The following ANKRD31 variants were observed in gnomAD, a reference collection of about 807,000 sequenced individuals.
ANKRD31 encodes ankyrin repeat domain-containing protein 31.
Under a neutral mutation model 186.0 loss-of-function variants are expected in ANKRD31, and 147 were observed. The ratio of observed to expected loss-of-function variants is 0.79; its 90% CI spans 0.69 to 0.91. The LOEUF (loss-of-function observed/expected upper bound fraction) is 0.91, where lower values mean the gene tolerates loss of function less well. Among genes scored for constraint, ANKRD31 ranks in the 40% least tolerant of loss-of-function variants. ANKRD31 has a pLI of 0.00. For missense variants in ANKRD31, 1,986 were observed against 2,148.8 expected, an observed-to-expected ratio of 0.92 and a Z score of 1.50; for synonymous variants, 673 against 736.4, an observed-to-expected ratio of 0.91 and a Z score of 1.39.
chr5:75,123,553 A>G (rs1748962840), intron 17 of ANKRD31, among the ~76,000 whole-genome samples: 1 of 152,146 alleles, frequency 6.6e-6, no homozygotes, highest in African/African-American at 2.4e-5. Flanking sequence ...CTGCAAGGTT[A>G]TAATAATCAA....
At chr5:75,083,498 G>A (rs1745235950) in intron 24 of ANKRD31, among the ~76,000 whole-genome samples, 1 of 152,206 alleles carries the variant, frequency 6.6e-6, no homozygotes, top group Non-Finnish European at 1.5e-5. Context: ...GGAGGCTGAG[G>A]CGGGCAGATC....
In ANKRD31 at chr5:75,118,262, AG is replaced by A; in HGVS notation, c.3911del (p.Pro1304LeufsTer20). Reference protein sequence around the residue: ...AEILLQNGANPNQKDQKQKSA... With the variant: ...AEILLQNGANXNQKDQKQKSA... ...TCTTCTGTTTTTGATCTTTTTGATTAGGGTTTGCTCCATTTTGTAGTAGAAT... is the reference window on the plus strand; with the variant it reads ...TCTTCTGTTTTTGATCTTTTTGATTAGGTTTGCTCCATTTTGTAGTAGAAT... On this transcript the variant is annotated frameshift_variant, in exon 18 of 26. Transcript: ENST00000506364. LOFTEE classifies it high-confidence loss of function. 6.6e-7 allele frequency: 1 copy of A among 1,518,346 alleles called. No homozygotes were observed. The highest frequency in any genetic ancestry group is 2.5e-5 in the East Asian group (1 of 40,522). 94.1% of individuals were successfully genotyped at this position (1,518,346 alleles called of 1,614,324 possible).
intron 25 of ANKRD31, among the ~76,000 whole-genome samples, chr5:75,075,103 AAAT>A (rs1264813650): frequency 6.6e-6 from 1 of 152,254 alleles, no homozygotes; most frequent in African/African-American, 2.4e-5. Flanking sequence ...TCTGAGAAAT[AAAT>A]AATAACCTGT....
At chr5:75,140,094 C>G (rs1046675504) in intron 15 of ANKRD31, among the ~76,000 whole-genome samples, 1 of 151,904 alleles carries the variant, frequency 6.6e-6, no homozygotes, top group South Asian at 2.1e-4. Context: ...ATCACAGCTA[C>G]TCTGGAGACT....
intron 10 of ANKRD31, among the ~76,000 whole-genome samples, chr5:75,181,708 G>A (rs1353481419): frequency 7.4e-6 from 1 of 135,874 alleles, no homozygotes; most frequent in East Asian, 2.4e-4. Context: ...CACAGGAAGG[G>A]GAACATCACA....
chr5:75,138,855 C>A lies in ANKRD31; in HGVS notation c.3724G>T (p.Asp1242Tyr). ...IESGADVNLN[D>Y]NAGWTPLHEA... is the part of the protein sequence containing the mutation. ...TTAAAAGGATCCAAACCTGCATTAT[C>A]ATTTAGATTCACATCTGCTCCAGAT... Residue 1242 changes from aspartate (D) to tyrosine (Y), a missense_variant, in exon 16 of 26, where the codon GAT becomes TAT. Physicochemically the swap from Asp to Tyr is radical, Grantham distance 160. Transcript: ENST00000506364. 6.5e-7 allele frequency: 1 copy of A among 1,535,680 alleles called. No homozygotes were observed. The highest frequency in any genetic ancestry group is 8.7e-7 in the Non-Finnish European group (1 of 1,146,162).
chr5:75,160,587 T>C (rs1752507072), intron 11 of ANKRD31, among the ~76,000 whole-genome samples: 1 of 152,126 alleles, frequency 6.6e-6, no homozygotes, highest in Non-Finnish European at 1.5e-5. Context: ...GAGACATACA[T>C]TGGATTCAAA....
chr5:75,137,741 T>TA (rs1265135819), intron 17 of ANKRD31, 115 bp downstream of exon 17: 12 of 1,022,024 alleles, frequency 1.2e-5, no homozygotes, highest in Admixed American at 3.7e-5. Context: ...AAGCAGGTTT[T>TA]AAAAAAATCA....
At chr5:75,201,141 T>C (rs1354853608) in intron 5 of ANKRD31, among the ~76,000 whole-genome samples, 1 of 152,174 alleles carries the variant, frequency 6.6e-6, no homozygotes, top group Non-Finnish European at 1.5e-5. Flanking sequence ...TAAATATTCT[T>C]GCTGAGCTTC....
At chr5:75,232,938 TA>T (rs1255104478) in intron 1 of ANKRD31, among the ~76,000 whole-genome samples, 1 of 152,226 alleles carries the variant, frequency 6.6e-6, no homozygotes, top group Non-Finnish European at 1.5e-5. Context: ...CAGATCTTGT[TA>T]AAATAATTCT....
chr5:75,231,309 A>G (rs10064409), intron 1 of ANKRD31, among the ~76,000 whole-genome samples: 76,899 of 151,418 alleles, frequency 0.51, 22,570 homozygotes, highest in African/African-American at 0.82. Context: ...GAACTCCTGA[A>G]CTTAAATGAT....
chr5:75,178,358 T>G (rs1753991946), intron 10 of ANKRD31, among the ~76,000 whole-genome samples: 1 of 152,254 alleles, frequency 6.6e-6, no homozygotes, highest in Middle Eastern at 3.4e-3. Flanking sequence ...ATCCAGGAAT[T>G]GAACTCAGCT....
chr5:75,161,395 T>C (rs1303175756), intron 11 of ANKRD31, among the ~76,000 whole-genome samples: 1 of 152,166 alleles, frequency 6.6e-6, no homozygotes, highest in Non-Finnish European at 1.5e-5. Context: ...TTAGGGTGTC[T>C]GGTGGAAGAA....
chr5:75,222,617 A>G (rs954595603), intron 2 of ANKRD31, among the ~76,000 whole-genome samples: 1 of 151,624 alleles, frequency 6.6e-6, no homozygotes, highest in Non-Finnish European at 1.5e-5. Flanking sequence ...CCAACCCCCA[A>G]CAGGCCCTGG....
rs1030742288 is a variant in ANKRD31, at chr5:75,120,258, G to T, written c.3877-1961C>A. ...AAAAAGTAAAAAATTAGCTGGGTGT[G>T]GTGGCACACACTTCTAGTCTCAGCT... On this transcript the variant is annotated intron_variant, in intron 17 of 25. Coordinates refer to ENST00000506364, the MANE Select transcript of ANKRD31 (RefSeq NM_001372053.1). 2.0e-5 allele frequency among the ~76,000 whole-genome samples: 3 copies of T among 152,066 alleles called. No homozygotes were observed. The East Asian group carries it at 5.8e-4, about 29-fold the overall frequency.
Position 75,213,216 on chromosome 5 carries a change from C to T in ANKRD31, c.289-2351G>A, listed in dbSNP as rs538317121. On this transcript the variant is annotated intron_variant, in intron 3 of 25. Coordinates refer to ENST00000506364, the MANE Select transcript of ANKRD31 (RefSeq NM_001372053.1). ...CAAGAATTAATTAAACAGGGTATAC[C>T]TACACACTTACAAGATATTTCTGTG... Among the ~76,000 whole-genome samples the T allele has an allele frequency of 1.5e-3, 232 of 152,282 alleles. 1 individual carries two copies. Among genetic ancestry groups the T allele is most frequent in the African/African-American group, 5.3e-3 (222 of 41,540 alleles).
chr5:75,138,569 A>G (rs1750781349), intron 16 of ANKRD31, among the ~76,000 whole-genome samples: 1 of 152,196 alleles, frequency 6.6e-6, no homozygotes, highest in African/African-American at 2.4e-5. Flanking sequence ...GATAAACTTG[A>G]GGCTTCCAAG....
intron 10 of ANKRD31, among the ~76,000 whole-genome samples, chr5:75,171,996 TAA>T (rs1390020467): frequency 6.6e-6 from 1 of 151,888 alleles, no homozygotes; most frequent in East Asian, 1.9e-4. Context: ...TATAAATCTA[TAA>T]AGATAGATTT....
chr5:75,080,648 G>A lies in ANKRD31; in HGVS notation c.5576-9C>T, dbSNP rs541935925. The A allele has an allele frequency of 1.1e-5, 17 of 1,523,012 alleles. No individual in the cohort carries two copies. In the South Asian group the frequency reaches 1.6e-4, roughly 15 times the overall value. 94.3% of individuals were successfully genotyped at this position (1,523,012 alleles called of 1,614,324 possible). A position where few individuals can be genotyped will look rare whatever the true frequency, so the allele number is the denominator to read the frequency against. On this transcript the variant is annotated splice_polypyrimidine_tract_variant and intron_variant, in intron 24 of 25. Transcript: ENST00000506364. ...ATCTAAACAAGCAACTTCTGAAAGT[G>A]AAACAAAACGTTAGTAATAATTTTG... is the stretch of plus-strand genomic sequence containing the variant.
Sources: allele counts gnomAD v4.1 joint callset (sites outside exome capture counted in the v4.1 genomes callset), GRCh38; gene constraint gnomAD v4.1.1; transcripts MANE v1.5; gene names NCBI Gene and HGNC (gene_info 2026-07-23, HGNC 2026-07-21).